Variants in STK3 observed in about 807,000 individuals in gnomAD.
The protein encoded by STK3 is serine/threonine-protein kinase 3.
Under a neutral mutation model 58.0 loss-of-function variants are expected in STK3, and 41 were observed. That is an observed-to-expected ratio of 0.71 (90% CI 0.55 to 0.92). The LOEUF (loss-of-function observed/expected upper bound fraction) is 0.92, where lower values mean the gene tolerates loss of function less well. Among genes scored for constraint, STK3 ranks in the 40% least tolerant of loss-of-function variants. STK3 has a pLI of 0.00. For missense variants in STK3, 479 were observed against 602.7 expected, an observed-to-expected ratio of 0.79 and a Z score of 2.15; for synonymous variants, 170 against 191.0, an observed-to-expected ratio of 0.89 and a Z score of 0.91.
chr8:98,699,266 A>T (rs1825307255), intron 6 of STK3, among the ~76,000 whole-genome samples: 2 of 152,006 alleles, frequency 1.3e-5, no homozygotes, highest in African/African-American at 4.8e-5. Context: ...CATTCTTCTA[A>T]ATTTTTTTCA....
chr8:98,685,367 C>T (rs1191621508), intron 6 of STK3, among the ~76,000 whole-genome samples: 5 of 152,108 alleles, frequency 3.3e-5, no homozygotes, highest in African/African-American at 1.2e-4. Flanking sequence ...AGAATACAGA[C>T]GAAGAGTAGG....
rs181146482 is a variant in STK3 at position 98,714,251 on chromosome 8, T to C, written c.352-6940A>G. 9.2e-3 allele frequency among the ~76,000 whole-genome samples: 1,400 copies of C among 152,328 alleles called. 15 individuals are homozygous for C. Among genetic ancestry groups the C allele is most frequent in the African/African-American group, 0.032 (1,323 of 41,560 alleles). Reference sequence around the variant, plus strand: ...GGGATGCCCTCTCTCACCGCTCCTATTCAACATAGTGTTGAAAGTTCTGGT... The same window carrying C: ...GGGATGCCCTCTCTCACCGCTCCTACTCAACATAGTGTTGAAAGTTCTGGT... On this transcript the variant is annotated intron_variant, in intron 4 of 10. Coordinates refer to ENST00000419617, the MANE Select transcript of STK3 (RefSeq NM_006281.4).
intron 1 of STK3, among the ~76,000 whole-genome samples, chr8:98,908,281 A>G (rs1838991310): frequency 6.6e-6 from 1 of 152,266 alleles, no homozygotes; most frequent in Admixed American, 6.5e-5. Flanking sequence ...CCTAAGGTGC[A>G]GTCTTCAGGA....
intron 6 of STK3, among the ~76,000 whole-genome samples, chr8:98,697,108 T>G (rs1381192818): frequency 6.6e-6 from 1 of 152,234 alleles, no homozygotes; most frequent in African/African-American, 2.4e-5. Flanking sequence ...GTCGAGGAAT[T>G]TATCCATTTC....
In STK3 at chr8:98,714,392, C is replaced by T. The variant is rs144956746; in HGVS notation, c.352-7081G>A. Among the ~76,000 whole-genome samples the T allele has an allele frequency of 1.5e-3, 227 of 152,316 alleles. 1 individual carries two copies. Among genetic ancestry groups the T allele is most frequent in the African/African-American group, 5.2e-3 (217 of 41,564 alleles). On this transcript the variant is annotated intron_variant, in intron 4 of 10. Transcript: ENST00000419617. ...ATATCTAGAAAACCCCATATTGTCT[C>T]AGCCCAAAATCTCCTTAAGCCAACA...
rs961633624 is a variant in STK3, at chr8:98,478,083, T to C, written c.1318-22083A>G. Among the ~76,000 whole-genome samples the C allele has an allele frequency of 1.4e-4, 22 of 152,188 alleles. No homozygotes were observed. The East Asian group carries it at 4.1e-3, about 28-fold the overall frequency. On this transcript the variant is annotated intron_variant, in intron 10 of 10. Transcript: ENST00000419617. ...CTGGGCTATGTGTAGAAGAAGCAAG[T>C]GGCTCTTGGTCACATGCTGCTCTTT...
intron 3 of STK3, among the ~76,000 whole-genome samples, chr8:98,858,290 G>GTATATATATATATATA (rs71572027): frequency 3.2e-4 from 11 of 34,382 alleles, no homozygotes; most frequent in Admixed American, 5.4e-4. Context: ...ACATACATAC[G>GTATATATATATATATA]TATATATATA....
In STK3 at chr8:98,734,646, CAG is replaced by C. The variant is rs558654349; in HGVS notation, c.351+14628_351+14629del. Among the ~76,000 whole-genome samples, 22 of 152,244 alleles carry C rather than the reference CAG, an allele frequency of 1.4e-4. No homozygotes were observed. The South Asian group carries it at 3.7e-3, about 26-fold the overall frequency. ...CTATCTTTTAAGAGCTTCAATTTCA[CAG>C]AGTTATGCATTTCTACTCTGCAGTA... On this transcript the variant is annotated intron_variant, in intron 4 of 10. Transcript: ENST00000419617.
At chr8:98,696,769 T>C (rs1037930017) in intron 6 of STK3, among the ~76,000 whole-genome samples, 7 of 152,188 alleles carry the variant, frequency 4.6e-5, no homozygotes, top group Admixed American at 2.6e-4. Context: ...CAGTATTTTA[T>C]TGAGGATTTT....
rs142434045 is a variant in STK3, at chr8:98,568,963, C to T, written c.948+10701G>A. Among the ~76,000 whole-genome samples, 476 of 152,090 alleles carry T rather than the reference C, an allele frequency of 3.1e-3. 1 individual carries two copies. Among genetic ancestry groups the T allele is most frequent in the African/African-American group, 0.01 (422 of 41,516 alleles). ...TTAAAAAGTCAAAAGACACTCCATA[C>T]GATGAATGGGGAAAAGATGTATACC... On this transcript the variant is annotated intron_variant, in intron 8 of 10. Coordinates refer to ENST00000419617, the MANE Select transcript of STK3 (RefSeq NM_006281.4).
intron 4 of STK3, among the ~76,000 whole-genome samples, chr8:98,738,974 G>A (rs1279003165): frequency 2.0e-5 from 3 of 152,248 alleles, no homozygotes; most frequent in Admixed American, 2.0e-4. Context: ...TACGCCCAAG[G>A]AGTCTCACTG....
At chr8:98,869,022 A>AGAAGGAAGGAAGGAAGGAAGGAAGGAAG (rs200905250) in intron 3 of STK3, among the ~76,000 whole-genome samples, 1 of 111,704 alleles carries the variant, frequency 9.0e-6, no homozygotes, top group African/African-American at 3.6e-5. Context: ...GAAAAAGGAA[A>AGAAGGAAGGAAGGAAGGAAGGAAGGAAG]GAAGGAAGGA....
At chr8:98,775,386 C>A (rs1177642117) in intron 1 of STK3, among the ~76,000 whole-genome samples, 2 of 152,132 alleles carry the variant, frequency 1.3e-5, no homozygotes, top group Non-Finnish European at 2.9e-5. Flanking sequence ...CTTTTCCATG[C>A]ATGCACAGAT....
At chr8:98,732,164 C>T (rs543411770) in intron 4 of STK3, among the ~76,000 whole-genome samples, 6 of 151,792 alleles carry the variant, frequency 4.0e-5, no homozygotes, top group Non-Finnish European at 7.4e-5. Context: ...CAAAAAGAGA[C>T]GGATAATCTA....
chr8:98,873,259 C>A (rs1016311555), intron 3 of STK3, among the ~76,000 whole-genome samples: 3 of 152,148 alleles, frequency 2.0e-5, no homozygotes, highest in African/African-American at 7.2e-5. Flanking sequence ...TTACTTCCAA[C>A]TACGTGGTCA....
In STK3 at chr8:98,412,774, G is replaced by A. The variant is rs148993937; in HGVS notation, n.484-11261C>T. ...AAGAAGCTCGGTGGTGGACGTGTAC[G>A]TGGCCATTTGATGTTTTTATGACTA... On this transcript the variant is annotated intron_variant and non_coding_transcript_variant, in intron 3 of 3. Transcript: ENST00000517832. 801 of 154,108 alleles carry A rather than the reference G, an allele frequency of 5.2e-3. 8 individuals carry two copies. The highest frequency in any genetic ancestry group is 0.018 in the African/African-American group (731 of 41,496). 9.5% of individuals were successfully genotyped at this position (154,108 alleles called of 1,614,324 possible).
Position 98,708,529 on chromosome 8 carries a change from G to A in STK3, c.352-1218C>T, listed in dbSNP as rs150079528. On this transcript the variant is annotated intron_variant, in intron 4 of 10. Coordinates refer to ENST00000419617, the MANE Select transcript of STK3 (RefSeq NM_006281.4). ...AACACAAGCAAAGACTATCAGAGGA[G>A]GGAAAAAGGGGAGAGTAGAGAAGGC... is the stretch of plus-strand genomic sequence containing the variant. Among the ~76,000 whole-genome samples, 1,031 of 152,104 alleles carry A rather than the reference G, an allele frequency of 6.8e-3. 8 individuals are homozygous for A. The highest frequency in any genetic ancestry group is 0.023 in the African/African-American group (967 of 41,476).
At chr8:98,391,770 C>T (rs1284595711), upstream of STK3, among the ~76,000 whole-genome samples, 1 of 152,140 alleles carries the variant, frequency 6.6e-6, no homozygotes, top group Admixed American at 6.5e-5. Flanking sequence ...AGTGTGCTTA[C>T]TCCATCTTAA....
At chr8:98,705,610 T>C (rs1003068670) in intron 6 of STK3, among the ~76,000 whole-genome samples, 1 of 152,134 alleles carries the variant, frequency 6.6e-6, no homozygotes, top group Non-Finnish European at 1.5e-5. Context: ...TTCCTCTTTC[T>C]ATCTATTTAC....
Sources: gnomAD v4.1 joint callset for allele counts (sites outside exome capture counted in the v4.1 genomes callset) on GRCh38, gnomAD v4.1.1 for gene constraint, MANE v1.5 for transcripts, NCBI Gene and HGNC (gene_info 2026-07-23, HGNC 2026-07-21) for gene names.